Variants in GLI3 observed in about 807,000 individuals in gnomAD.
GLI3 encodes the protein GLI family zinc finger 3.
In GLI3, 20 loss-of-function variants were observed where a neutral mutation model predicts 100.8. The ratio of observed to expected loss-of-function variants is 0.20; its 90% CI spans 0.14 to 0.29. GLI3 has a LOEUF of 0.29. GLI3 is among the 10% of genes least tolerant of loss of function. GLI3 has a pLI of 1.00. For missense variants in GLI3, 2,040 were observed against 2,128.5 expected (o/e 0.96, Z 0.82); for synonymous variants, 938 against 860.5 (o/e 1.09, Z -1.58).
intron 1 of GLI3, among the ~76,000 whole-genome samples, chr7:42,262,731 A>C (rs1408969111): frequency 6.6e-6 from 1 of 152,244 alleles, no homozygotes; most frequent in Non-Finnish European, 1.5e-5. Context: ...CTTATTTATC[A>C]GCCCAAATAC....
intron 4 of GLI3, among the ~76,000 whole-genome samples, chr7:42,056,170 G>A (rs1191995199): frequency 6.6e-6 from 1 of 152,200 alleles, no homozygotes; most frequent in African/African-American, 2.4e-5. Context: ...TCTCGGGCAT[G>A]TCTTTATCAG....
At chr7:42,205,781 T>A (rs1788136285) in intron 2 of GLI3, among the ~76,000 whole-genome samples, 1 of 152,188 alleles carries the variant, frequency 6.6e-6, no homozygotes, top group Non-Finnish European at 1.5e-5. Context: ...AAGTGACAGA[T>A]TTTTTTAAAA....
chr7:42,194,845 C>T (rs1787896624), intron 2 of GLI3, among the ~76,000 whole-genome samples: 1 of 148,676 alleles, frequency 6.7e-6, no homozygotes, highest in Non-Finnish European at 1.5e-5. Flanking sequence ...CGGCTCACTG[C>T]AACCTCTGTC....
chr7:42,226,503 A>G (rs1483873180), intron 1 of GLI3, among the ~76,000 whole-genome samples: 1 of 152,202 alleles, frequency 6.6e-6, no homozygotes, highest in African/African-American at 2.4e-5. Context: ...ACTGACTGAA[A>G]TCACACTAAT....
chr7:42,202,762 C>A (rs1442404452), intron 2 of GLI3, among the ~76,000 whole-genome samples: 1 of 152,182 alleles, frequency 6.6e-6, no homozygotes, highest in Non-Finnish European at 1.5e-5. Flanking sequence ...GTTTTCTCCG[C>A]TCTGTTAGAA....
chr7:42,263,190 T>C (rs1244636647), intron 1 of GLI3, among the ~76,000 whole-genome samples: 1 of 152,130 alleles, frequency 6.6e-6, no homozygotes, highest in Non-Finnish European at 1.5e-5. Flanking sequence ...TTACTATAGA[T>C]ACAAAATGAG....
Position 42,129,582 on chromosome 7 carries a change from G to A in GLI3, c.367+18644C>T, listed in dbSNP as rs554768408. Among the ~76,000 whole-genome samples the A allele has an allele frequency of 9.9e-5, 15 of 152,160 alleles. No homozygotes were observed. In the East Asian group the frequency reaches 2.3e-3, roughly 24 times the overall value. On this transcript the variant is annotated intron_variant, in intron 3 of 14. Transcript: ENST00000395925. ...TCCCAGCACTTTGGGAGGCCGAGGCGGGGGGATCACGAGGTCAGGAGTACA... is the reference window on the plus strand; with the variant it reads ...TCCCAGCACTTTGGGAGGCCGAGGCAGGGGGATCACGAGGTCAGGAGTACA...
At position 41,968,780 on chromosome 7, in the gene GLI3, G is replaced by GAA. The variant is rs150602784; in HGVS notation, c.2104-859_2104-858dup. Among the ~76,000 whole-genome samples the GAA allele has an allele frequency of 1.8e-4, 25 of 139,920 alleles. 1 individual carries two copies. The highest frequency in any genetic ancestry group is 6.2e-4 in the African/African-American group (24 of 38,718). 91.8% of individuals were successfully genotyped at this position (139,920 alleles called of 152,430 possible). ...AGAAAGAAGGAAAGAAAGAAAGAAAGAAAGAAAGAAAGAAAGAAAGAAAGG... is the reference window on the plus strand; with the variant it reads ...AGAAAGAAGGAAAGAAAGAAAGAAAGAAAAAGAAAGAAAGAAAGAAAGAAAGG... On this transcript the variant is annotated intron_variant, in intron 13 of 14. Coordinates refer to ENST00000395925, the MANE Select transcript of GLI3 (RefSeq NM_000168.6).
At chr7:42,029,028 A>G (rs1238890191) in intron 7 of GLI3, among the ~76,000 whole-genome samples, 1 of 152,188 alleles carries the variant, frequency 6.6e-6, no homozygotes, top group African/African-American at 2.4e-5. Context: ...CACATCAACA[A>G]TTAGACTGCA....
intron 10 of GLI3, among the ~76,000 whole-genome samples, chr7:41,990,825 G>A (rs1368578598): frequency 1.3e-5 from 2 of 151,978 alleles, no homozygotes; most frequent in Admixed American, 6.6e-5. Context: ...GGTAAGTGCT[G>A]GGAGAACTTT....
intron 10 of GLI3, among the ~76,000 whole-genome samples, chr7:42,021,021 T>C (rs1429258626): frequency 6.6e-6 from 1 of 152,298 alleles, no homozygotes; most frequent in East Asian, 1.9e-4. Context: ...CTACCTATTC[T>C]ATAACAGGCC....
At chr7:42,099,751 G>A (rs573415935) in intron 3 of GLI3, among the ~76,000 whole-genome samples, 2 of 152,294 alleles carry the variant, frequency 1.3e-5, no homozygotes, top group Non-Finnish European at 1.5e-5. Flanking sequence ...GGCTGGTCCC[G>A]TACTTGTGGC....
At chr7:42,115,834 T>G (rs1785839989) in intron 3 of GLI3, among the ~76,000 whole-genome samples, 1 of 152,126 alleles carries the variant, frequency 6.6e-6, no homozygotes, top group Admixed American at 6.5e-5. Context: ...GGCATAGAGA[T>G]TTTTATTTTC....
rs1277395734 is a variant in GLI3, at chr7:41,977,777, G to T, written c.1648-55C>A. ...CTGCACAATGGCAACAGCAGCTTAT[G>T]CCTAACACGCCCTCCAAGTTGATGA... On this transcript the variant is annotated intron_variant, in intron 11 of 14. Coordinates refer to ENST00000395925, the MANE Select transcript of GLI3 (RefSeq NM_000168.6). The T allele has an allele frequency of 8.3e-6, 12 of 1,447,390 alleles. No homozygotes were observed. The African/African-American group carries it at 1.4e-4, about 17-fold the overall frequency. 89.7% of individuals were successfully genotyped at this position (1,447,390 alleles called of 1,614,324 possible).
chr7:42,038,816 C>T (rs1784071680), intron 7 of GLI3, among the ~76,000 whole-genome samples: 1 of 152,188 alleles, frequency 6.6e-6, no homozygotes, highest in Non-Finnish European at 1.5e-5. Flanking sequence ...CAACAGTATT[C>T]ATTATTTTTA....
At chr7:42,262,028 C>T (rs376575563) in intron 1 of GLI3, among the ~76,000 whole-genome samples, 13 of 145,660 alleles carry the variant, frequency 8.9e-5, no homozygotes, top group African/African-American at 2.0e-4. Context: ...CTCTCTCTCT[C>T]TCTTTCTTTC....
At chr7:42,221,105 T>C (rs1788477412) in intron 2 of GLI3, among the ~76,000 whole-genome samples, 1 of 152,232 alleles carries the variant, frequency 6.6e-6, no homozygotes, top group African/African-American at 2.4e-5. Flanking sequence ...TTGTAAATCA[T>C]GACTGCTCCT....
chr7:42,185,286 T>G (rs879345649), intron 2 of GLI3, among the ~76,000 whole-genome samples: 10 of 152,156 alleles, frequency 6.6e-5, no homozygotes, highest in Admixed American at 1.3e-4. Flanking sequence ...AGCCATGTGT[T>G]TTCTCCCAAC....
chr7:42,227,449 CCACT>C (rs756021032), intron 1 of GLI3, among the ~76,000 whole-genome samples: 6 of 152,068 alleles, frequency 3.9e-5, no homozygotes, highest in Non-Finnish European at 7.4e-5. Context: ...AGGCTTTTTC[CCACT>C]CAACTATCCC....
Sources: allele counts gnomAD v4.1 joint callset (sites outside exome capture counted in the v4.1 genomes callset), GRCh38; gene constraint gnomAD v4.1.1; transcripts MANE v1.5; gene names NCBI Gene and HGNC (gene_info 2026-07-23, HGNC 2026-07-21).